Variants in TBC1D14 observed in about 807,000 individuals in gnomAD.
The protein encoded by TBC1D14 is TBC1 domain family member 14.
In TBC1D14, 26 loss-of-function variants were observed where a neutral mutation model predicts 79.0. The ratio of observed to expected loss-of-function variants is 0.33; its 90% confidence interval spans 0.24 to 0.46. The LOEUF (loss-of-function observed/expected upper bound fraction) is 0.46, where lower values mean the gene tolerates loss of function less well. Among genes scored for constraint, TBC1D14 ranks in the 20% least tolerant of loss-of-function variants. The pLI, the probability that TBC1D14 is intolerant of heterozygous loss-of-function variation, is 1.00. For missense variants in TBC1D14, 769 were observed against 887.6 expected, an observed-to-expected ratio of 0.87 and a Z score of 1.70; for synonymous variants, 394 against 349.9, an observed-to-expected ratio of 1.13 and a Z score of -1.40.
At chr4:6,982,363 T>G (rs1017619973) in intron 3 of TBC1D14, among the ~76,000 whole-genome samples, 2 of 152,196 alleles carry the variant, frequency 1.3e-5, no homozygotes, top group African/African-American at 4.8e-5. Context: ...TTGCGTGCTG[T>G]GATTTCATTT....
chr4:7,029,791 C>T (rs930546379), intron 13 of TBC1D14, among the ~76,000 whole-genome samples: 1 of 152,312 alleles, frequency 6.6e-6, no homozygotes, highest in South Asian at 2.1e-4. Context: ...CGCCACTCCA[C>T]TCCAGCCTGG....
At chr4:6,921,619 G>C (rs1039744943) in intron 1 of TBC1D14, among the ~76,000 whole-genome samples, 2 of 151,850 alleles carry the variant, frequency 1.3e-5, no homozygotes, top group Admixed American at 6.6e-5. Flanking sequence ...TCCACCTCCT[G>C]GGTTCAAGTG....
chr4:6,978,973 G>A (rs1449772479), intron 3 of TBC1D14, among the ~76,000 whole-genome samples: 1 of 152,152 alleles, frequency 6.6e-6, no homozygotes, highest in Non-Finnish European at 1.5e-5. Context: ...TGTAGGACAA[G>A]TGAAATACAA....
Position 7,019,456 on chromosome 4 carries a change from C to T in TBC1D14, c.1757+4899C>T, listed in dbSNP as rs181987710. ...GTTGCCCCACGAGTGCCTTAGGAGC[C>T]GGGAGCATCTTGCTGAGCACGTCTG... On this transcript the variant is annotated intron_variant, in intron 12 of 13. Coordinates refer to ENST00000409757, the MANE Select transcript of TBC1D14 (RefSeq NM_020773.3). Among the ~76,000 whole-genome samples, 145 of 152,226 alleles carry T rather than the reference C, an allele frequency of 9.5e-4. 1 individual carries two copies. Among genetic ancestry groups the T allele is most frequent in the Middle Eastern group, 3.4e-3 (1 of 294 alleles).
chr4:7,024,059 A>T (rs1722093771), intron 12 of TBC1D14, among the ~76,000 whole-genome samples: 1 of 152,062 alleles, frequency 6.6e-6, no homozygotes, highest in Non-Finnish European at 1.5e-5. Flanking sequence ...TGTCCTCGGG[A>T]CCTGGAGGAC....
intron 11 of TBC1D14, among the ~76,000 whole-genome samples, 168 bp downstream of exon 11, chr4:7,010,949 A>G (rs1466135113): frequency 6.6e-6 from 1 of 152,198 alleles, no homozygotes; most frequent in East Asian, 1.9e-4. Context: ...AGCGTATTGC[A>G]TGGAAGCTGA....
intron 2 of TBC1D14, among the ~76,000 whole-genome samples, chr4:6,965,655 T>C (rs886634635): frequency 2.6e-5 from 4 of 152,228 alleles, no homozygotes; most frequent in African/African-American, 9.6e-5. Context: ...GATATCGCCT[T>C]AGCCTCCCCA....
intron 3 of TBC1D14, among the ~76,000 whole-genome samples, chr4:6,976,685 C>G (rs1716740831): frequency 6.6e-6 from 1 of 152,208 alleles, no homozygotes; most frequent in South Asian, 2.1e-4. Flanking sequence ...GGCCTGTATG[C>G]TAGGAGGAGA....
At chr4:6,978,578 C>T (rs1283267483) in intron 3 of TBC1D14, among the ~76,000 whole-genome samples, 1 of 148,906 alleles carries the variant, frequency 6.7e-6, no homozygotes, top group Non-Finnish European at 1.5e-5. Context: ...TCCCTAATCT[C>T]AAGTACCCAG....
rs1025430146 is a variant in TBC1D14 at position 7,032,956 on chromosome 4, A to G, written c.*2564A>G. On this transcript the variant is annotated 3_prime_UTR_variant, in exon 14 of 14. Coordinates refer to ENST00000409757, the MANE Select transcript of TBC1D14 (RefSeq NM_020773.3). ...ACTGCTCAGTTTTTGACTATTTTAA[A>G]TAGTTTGCTGAAAACTCCTGATAAC... 6.6e-6 allele frequency: 1 copy of G among 152,626 alleles called. No individual in the cohort carries two copies. Among genetic ancestry groups the G allele is most frequent in the African/African-American group, 2.4e-5 (1 of 41,448 alleles). 9.5% of individuals were successfully genotyped at this position (152,626 alleles called of 1,614,324 possible). A position where few individuals can be genotyped will look rare whatever the true frequency, so the allele number is the denominator to read the frequency against.
rs764439290 is a variant in TBC1D14, at chr4:7,004,906, T to C, written c.1333T>C (p.Ser445Pro). 6.2e-7 allele frequency: 1 copy of C among 1,614,130 alleles called. No individual in the cohort carries two copies. Among genetic ancestry groups the C allele is most frequent in the South Asian group, 1.1e-5 (1 of 91,082 alleles). ...ERWRSLSTGG[S>P]EVENEDAGFS... The stretch of plus-strand genomic sequence containing the variant: ...GTGGCGGTCCCTTAGCACAGGAGGC[T>C]CTGAAGTGGAGAACGAAGGTAGAAT... Residue 445 changes from serine to proline, a missense_variant, in exon 8 of 14, where the codon TCT (serine) becomes CCT (proline). By Grantham distance (74) the Ser-to-Pro change is moderately conservative. This residue lies in a region of TBC1D14 where 367 missense variants were observed against 494.4 expected (regional missense o/e 0.74). Transcript: ENST00000409757.
At position 7,006,706 on chromosome 4, in the gene TBC1D14, A is replaced by G; in HGVS notation, c.1426A>G (p.Asn476Asp). The G allele has an allele frequency of 1.2e-6, 2 of 1,613,788 alleles. No homozygotes were observed. The highest frequency in any genetic ancestry group is 1.7e-6 in the Non-Finnish European group (2 of 1,179,878). The change falls in exon 9 of 14, where the codon AAT becomes GAT. Residue 476 changes from asparagine to aspartate, a missense_variant. Asn to Asp is a conservative substitution (Grantham distance 23, BLOSUM62 1). Coordinates refer to ENST00000409757, the MANE Select transcript of TBC1D14 (RefSeq NM_020773.3). The part of the protein sequence containing the change: ...IKLDISRTFP[N>D]LCIFQQGGPY... Reference sequence around the variant, plus strand: ...ACTGGACATTTCTAGAACATTTCCTAATCTCTGCATTTTCCAGCAAGTAAG... The same window carrying G: ...ACTGGACATTTCTAGAACATTTCCTGATCTCTGCATTTTCCAGCAAGTAAG...
intron 2 of TBC1D14, among the ~76,000 whole-genome samples, chr4:6,966,005 G>A (rs556006841): frequency 6.6e-6 from 1 of 152,262 alleles, no homozygotes; most frequent in South Asian, 2.1e-4. Context: ...TAGCTCCATT[G>A]GTCTCTCCTT....
At chr4:6,966,851 C>G (rs927285095) in intron 2 of TBC1D14, among the ~76,000 whole-genome samples, 1 of 152,146 alleles carries the variant, frequency 6.6e-6, no homozygotes, top group East Asian at 1.9e-4. Flanking sequence ...GCTCTGTCAC[C>G]CAGGCTGGAG....
chr4:6,919,824 TTGGTCAGGC>T (rs1723701628), intron 1 of TBC1D14, among the ~76,000 whole-genome samples: 1 of 152,154 alleles, frequency 6.6e-6, no homozygotes, highest in South Asian at 2.1e-4. Flanking sequence ...TTTCACCATG[TTGGTCAGGC>T]TGGTCTCAAA....
chr4:6,944,054 TGATA>T (rs1226297045), intron 2 of TBC1D14, among the ~76,000 whole-genome samples: 1 of 152,074 alleles, frequency 6.6e-6, no homozygotes, highest in Non-Finnish European at 1.5e-5. Flanking sequence ...TTTGTGTGTG[TGATA>T]GATCTTTTTA....
chr4:6,980,826 C>T (rs1401468992), intron 3 of TBC1D14, among the ~76,000 whole-genome samples: 1 of 150,378 alleles, frequency 6.6e-6, no homozygotes, highest in African/African-American at 2.5e-5. Context: ...TGCCATTCTT[C>T]TGCCTCAGCC....
chr4:6,932,071 T>C (rs1301051544), intron 2 of TBC1D14, among the ~76,000 whole-genome samples: 1 of 151,814 alleles, frequency 6.6e-6, no homozygotes, highest in Non-Finnish European at 1.5e-5. Flanking sequence ...AAGCAAAGAC[T>C]TGAAGGTGGC....
intron 9 of TBC1D14, among the ~76,000 whole-genome samples, chr4:7,008,181 A>G (rs1211004977): frequency 6.6e-6 from 1 of 152,196 alleles, no homozygotes; most frequent in Non-Finnish European, 1.5e-5. Flanking sequence ...CCAGAGGTCA[A>G]AGGGCCATAT....
Sources: gnomAD v4.1 joint callset for allele counts (sites outside exome capture counted in the v4.1 genomes callset) on GRCh38, gnomAD v4.1.1 for gene constraint, gnomAD v4.1.1 regional missense constraint, MANE v1.5 for transcripts, NCBI Gene and HGNC (gene_info 2026-07-23, HGNC 2026-07-21) for gene names.